KIAA1328: variants seen among roughly 807,000 people sequenced by gnomAD.
The protein encoded by KIAA1328 is KIAA1328, also known as protein hinderin.
In KIAA1328, 52 loss-of-function variants were observed where a neutral mutation model predicts 68.1. The ratio of observed to expected loss-of-function variants is 0.76; its 90% CI spans 0.61 to 0.96. The LOEUF is 0.96. Among genes scored for constraint, KIAA1328 ranks in the 40% least tolerant of loss-of-function variants. The pLI, the probability that KIAA1328 is intolerant of heterozygous loss-of-function variation, is 0.00. For missense variants in KIAA1328, 641 were observed against 677.6 expected (o/e 0.95, Z 0.60); for synonymous variants, 232 against 239.4 (o/e 0.97, Z 0.28).
chr18:37,172,038 T>C (rs1483237824), intron 8 of KIAA1328, among the ~76,000 whole-genome samples: 2 of 152,254 alleles, frequency 1.3e-5, no homozygotes, highest in African/African-American at 4.8e-5. Flanking sequence ...CTATGCCTGA[T>C]GATTTCAGGT....
intron 7 of KIAA1328, among the ~76,000 whole-genome samples, chr18:37,119,297 GT>G (rs1223055054): frequency 2.6e-5 from 4 of 152,134 alleles, no homozygotes; most frequent in Admixed American, 2.0e-4. Context: ...TGTGGTACTA[GT>G]TTAGAGAAAA....
chr18:36,976,026 C>T (rs1213075409), intron 6 of KIAA1328, among the ~76,000 whole-genome samples: 1 of 152,150 alleles, frequency 6.6e-6, no homozygotes, highest in African/African-American at 2.4e-5. Context: ...AATCAAACTA[C>T]CCTGAAAGAA....
intron 6 of KIAA1328, among the ~76,000 whole-genome samples, chr18:36,962,728 T>G (rs1375309379): frequency 1.3e-5 from 2 of 152,060 alleles, no homozygotes; most frequent in Non-Finnish European, 2.9e-5. Context: ...ACTGGGTAAA[T>G]AACGAAATGA....
At chr18:36,908,441 G>A (rs1019513861) in intron 5 of KIAA1328, among the ~76,000 whole-genome samples, 2 of 152,118 alleles carry the variant, frequency 1.3e-5, no homozygotes, top group African/African-American at 2.4e-5. Context: ...ACTCGCTCAA[G>A]CAATCCTCTC....
intron 4 of KIAA1328, among the ~76,000 whole-genome samples, chr18:36,879,228 G>A (rs1379017662): frequency 6.6e-6 from 1 of 151,848 alleles, no homozygotes; most frequent in Non-Finnish European, 1.5e-5. Context: ...TTTTGTTGAT[G>A]TTGATGTTAT....
intron 7 of KIAA1328, among the ~76,000 whole-genome samples, chr18:37,114,289 C>T (rs1206917133): frequency 2.0e-5 from 3 of 152,146 alleles, no homozygotes; most frequent in African/African-American, 4.8e-5. Context: ...TGTAAAAGAA[C>T]AGAAAGTATA....
rs2056374527 is a variant in KIAA1328, at chr18:37,067,296, C to T, written c.983C>T (p.Pro328Leu). ...SHPTNMTPQH[P>L]KTHPESCSYC... ...CCTACAAACATGACCCCTCAACATC[C>T]TAAGACACATCCAGAATCATGCAGT... The change falls in exon 7 of 10, where the codon CCT becomes CTT. Residue 328 changes from proline (P) to leucine (L), a missense_variant. Coordinates refer to ENST00000280020, the MANE Select transcript of KIAA1328 (RefSeq NM_020776.3). 1 of 1,613,896 alleles carries T rather than the reference C, an allele frequency of 6.2e-7. No homozygotes were observed. The highest frequency in any genetic ancestry group is 1.3e-5 in the African/African-American group (1 of 74,938).
At chr18:36,906,714 T>G (rs987785619) in intron 5 of KIAA1328, among the ~76,000 whole-genome samples, 1 of 152,124 alleles carries the variant, frequency 6.6e-6, no homozygotes, top group African/African-American at 2.4e-5. Context: ...ACATCTTGGT[T>G]GCTTTTGGCT....
chr18:36,873,112 G>T (rs933178410), intron 4 of KIAA1328, among the ~76,000 whole-genome samples: 1 of 151,980 alleles, frequency 6.6e-6, no homozygotes, highest in African/African-American at 2.4e-5. Flanking sequence ...CATGTTTTTC[G>T]CTATGGGCAG....
At chr18:37,203,276 A>G (rs1057313963) in intron 9 of KIAA1328, among the ~76,000 whole-genome samples, 16 of 152,068 alleles carry the variant, frequency 1.1e-4, no homozygotes, top group African/African-American at 3.4e-4. Flanking sequence ...AACCTTTTAT[A>G]GTTTTTTCCA....
Position 36,959,547 on chromosome 18 carries a change from A to G in KIAA1328, c.576+112A>G. ...CCAGTATATAATATTGTTTTAAAAC[A>G]TGTAGCCACTGCGTGTGATTGAGTT... On this transcript the variant is annotated intron_variant, in intron 6 of 9. Coordinates refer to ENST00000280020, the MANE Select transcript of KIAA1328 (RefSeq NM_020776.3). 9 of 1,169,716 alleles carry G rather than the reference A, an allele frequency of 7.7e-6. No individual in the cohort carries two copies. The South Asian group carries it at 1.3e-4, about 17-fold the overall frequency. The allele number at this position is 1,169,716 out of a possible 1,614,324, so 72.5% of individuals were successfully genotyped here.
At chr18:36,925,128 G>A (rs1369968662) in intron 5 of KIAA1328, 1 of 152,156 alleles carries the variant, frequency 6.6e-6, no homozygotes, top group Non-Finnish European at 1.5e-5. Flanking sequence ...ATGAGAGAAA[G>A]TATTTTGTAA....
chr18:37,177,952 T>C (rs904753764), intron 9 of KIAA1328, among the ~76,000 whole-genome samples: 1 of 152,132 alleles, frequency 6.6e-6, no homozygotes, highest in Non-Finnish European at 1.5e-5. Flanking sequence ...CCTCATACAT[T>C]TATCATTTCT....
intron 5 of KIAA1328, among the ~76,000 whole-genome samples, chr18:36,958,680 G>A (rs1053577923): frequency 2.6e-5 from 4 of 151,974 alleles, no homozygotes; most frequent in African/African-American, 9.7e-5. Context: ...CTTTTAAATT[G>A]TACTAATTAT....
intron 6 of KIAA1328, among the ~76,000 whole-genome samples, chr18:37,007,352 T>A (rs1292155205): frequency 6.6e-6 from 1 of 152,202 alleles, no homozygotes. Context: ...ATTATATACA[T>A]GATTGTGTAT....
At chr18:37,075,501 A>G (rs1599169279) in intron 7 of KIAA1328, 1 of 152,250 alleles carries the variant, frequency 6.6e-6, no homozygotes, top group African/African-American at 2.4e-5. Context: ...TTAAATGTAA[A>G]TGGACTAAAT....
intron 4 of KIAA1328, among the ~76,000 whole-genome samples, chr18:36,866,641 A>G (rs964989613): frequency 1.3e-5 from 2 of 152,164 alleles, no homozygotes; most frequent in Admixed American, 6.5e-5. Flanking sequence ...TCTTCTGCCT[A>G]TCTTGCCTGA....
chr18:37,032,537 C>T (rs147474645), intron 6 of KIAA1328, among the ~76,000 whole-genome samples: 21 of 151,312 alleles, frequency 1.4e-4, no homozygotes, highest in African/African-American at 3.4e-4. Context: ...TATTTCACTT[C>T]GTTTTTAAAG....
chr18:36,852,920 A>G (rs571992584), intron 4 of KIAA1328, among the ~76,000 whole-genome samples: 8 of 152,122 alleles, frequency 5.3e-5, no homozygotes, highest in African/African-American at 1.4e-4. Flanking sequence ...TTAATTCTCT[A>G]TTATTCTAGA....
Sources: allele counts gnomAD v4.1 joint callset (sites outside exome capture counted in the v4.1 genomes callset), GRCh38; gene constraint gnomAD v4.1.1; transcripts MANE v1.5; gene names NCBI Gene and HGNC (gene_info 2026-07-23, HGNC 2026-07-21).